The following PAMR1 variants were observed in gnomAD, a reference collection of about 807,000 sequenced individuals.
The protein encoded by PAMR1 is peptidase domain containing associated with muscle regeneration 1, also known as inactive serine protease PAMR1.
Under a neutral mutation model 81.8 loss-of-function variants are expected in PAMR1, and 88 were observed. That is an observed-to-expected ratio of 1.08 (90% CI 0.91 to 1.28). The LOEUF (loss-of-function observed/expected upper bound fraction) is 1.28, where lower values mean the gene tolerates loss of function less well. Ranked by LOEUF, PAMR1 falls within the 50% of genes most tolerant of loss-of-function variation. The pLI is 0.00. For missense variants in PAMR1, 935 were observed against 919.7 expected, an observed-to-expected ratio of 1.02 and a Z score of -0.21; for synonymous variants, 336 against 345.3, an observed-to-expected ratio of 0.97 and a Z score of 0.30.
intron 6 of PAMR1, among the ~76,000 whole-genome samples, chr11:35,459,668 G>T (rs1489995547): frequency 6.6e-6 from 1 of 152,178 alleles, no homozygotes; most frequent in African/African-American, 2.4e-5. Context: ...ATCCCACCCA[G>T]TTCCTGGCAT....
intron 6 of PAMR1, among the ~76,000 whole-genome samples, chr11:35,445,526 T>C (rs920045443): frequency 2.0e-5 from 3 of 152,228 alleles, no homozygotes; most frequent in African/African-American, 7.2e-5. Context: ...TTACCTAGTT[T>C]ATTGAGAGTT....
chr11:35,470,826 T>G lies in PAMR1; in HGVS notation c.495-8A>C, dbSNP rs1356617078. ...AGGCTCAACATGACAAATCTGTGGG[T>G]GGACAGGGTGACGGAGGGAAGCAGA... On this transcript the variant is annotated splice_region_variant and splice_polypyrimidine_tract_variant and intron_variant, in intron 4 of 10. Coordinates refer to ENST00000619888, the MANE Select transcript of PAMR1 (RefSeq NM_001001991.3). The G allele has an allele frequency of 5.9e-5, 95 of 1,607,862 alleles. No homozygotes were observed. The highest frequency in any genetic ancestry group is 7.9e-5 in the Non-Finnish European group (93 of 1,174,646).
rs192507108 is a variant in PAMR1 at position 35,454,568 on chromosome 11, C to T, written c.821-12875G>A. Among the ~76,000 whole-genome samples, 702 of 152,270 alleles carry T rather than the reference C, an allele frequency of 4.6e-3. 5 individuals are homozygous for T. Among genetic ancestry groups the T allele is most frequent in the Non-Finnish European group, 6.1e-3 (417 of 68,010 alleles). The stretch of plus-strand genomic sequence containing the variant: ...TTGATAAATCAGTTGGACCCAAGCA[C>T]GTGACTCAGGGACTGCTTGGGGAAA... On this transcript the variant is annotated intron_variant, in intron 6 of 10. Transcript: ENST00000619888.
At chr11:35,508,674 G>T (rs1421165157) in intron 1 of PAMR1, among the ~76,000 whole-genome samples, 1 of 151,846 alleles carries the variant, frequency 6.6e-6, no homozygotes, top group African/African-American at 2.4e-5. Context: ...ATCTTTTTAT[G>T]CTCATTCTCC....
At chr11:35,516,411 T>A (rs1851164405) in intron 1 of PAMR1, among the ~76,000 whole-genome samples, 2 of 152,192 alleles carry the variant, frequency 1.3e-5, no homozygotes, top group African/African-American at 4.8e-5. Flanking sequence ...CGGTATATAT[T>A]CAGTGGGGGC....
At chr11:35,514,985 A>G (rs918799700) in intron 1 of PAMR1, among the ~76,000 whole-genome samples, 21 of 152,262 alleles carry the variant, frequency 1.4e-4, no homozygotes, top group African/African-American at 4.6e-4. Context: ...AACCTGGGTG[A>G]CAGACCAAGA....
At chr11:35,485,611 T>C (rs1040767506) in intron 3 of PAMR1, among the ~76,000 whole-genome samples, 11 of 152,222 alleles carry the variant, frequency 7.2e-5, no homozygotes, top group African/African-American at 2.4e-4. Context: ...ATCAATTCCA[T>C]AATGAATTTT....
Position 35,431,987 on chromosome 11 carries a change from A to G in PAMR1, c.*369T>C. 4.1e-6 allele frequency: 1 copy of G among 245,074 alleles called. No individual in the cohort carries two copies. Among genetic ancestry groups the G allele is most frequent in the South Asian group, 6.3e-5 (1 of 15,784 alleles). The allele number at this position is 245,074 out of a possible 1,614,324, so 15.2% of individuals were successfully genotyped here. A position where few individuals can be genotyped will look rare whatever the true frequency, so the allele number is the denominator to read the frequency against. ...CACAGGCAGCTCTCTAGAACTTGAGAGCCTCAAAAGGGGCCTCATGAAGCC... is the reference window on the plus strand; with the variant it reads ...CACAGGCAGCTCTCTAGAACTTGAGGGCCTCAAAAGGGGCCTCATGAAGCC... On this transcript the variant is annotated 3_prime_UTR_variant, in exon 11 of 11. Transcript: ENST00000619888.
intron 1 of PAMR1, among the ~76,000 whole-genome samples, chr11:35,523,235 G>A (rs868823236): frequency 2.6e-5 from 4 of 151,800 alleles, no homozygotes; most frequent in African/African-American, 4.8e-5. Context: ...TTCCTTTCTC[G>A]GCTGGCTTTT....
chr11:35,452,487 G>A (rs1856439005), intron 6 of PAMR1, among the ~76,000 whole-genome samples: 1 of 152,124 alleles, frequency 6.6e-6, no homozygotes, highest in South Asian at 2.1e-4. Flanking sequence ...ACTGGTGAAA[G>A]ACATCAACCT....
chr11:35,492,916 T>A (rs1365382949), intron 2 of PAMR1, among the ~76,000 whole-genome samples: 1 of 152,200 alleles, frequency 6.6e-6, no homozygotes, highest in African/African-American at 2.4e-5. Flanking sequence ...AATGGAGAAC[T>A]GAGTTCTGGC....
chr11:35,441,251 T>C (rs1481718965), intron 7 of PAMR1, among the ~76,000 whole-genome samples: 1 of 152,110 alleles, frequency 6.6e-6, no homozygotes, highest in Non-Finnish European at 1.5e-5. Flanking sequence ...ACATTCCTCT[T>C]CTTGATCACC....
At chr11:35,442,802 C>T (rs1220974874) in intron 6 of PAMR1, among the ~76,000 whole-genome samples, 1 of 151,970 alleles carries the variant, frequency 6.6e-6, no homozygotes, top group Admixed American at 6.6e-5. Context: ...GGGGTTTCAC[C>T]ATGTTGCCCA....
chr11:35,452,661 T>C (rs867276906), intron 6 of PAMR1, among the ~76,000 whole-genome samples: 3 of 152,180 alleles, frequency 2.0e-5, no homozygotes, highest in African/African-American at 4.8e-5. Flanking sequence ...AATCAGAAAA[T>C]GTGACTGTAA....
At chr11:35,509,577 A>C (rs890989904) in intron 1 of PAMR1, among the ~76,000 whole-genome samples, 1 of 152,252 alleles carries the variant, frequency 6.6e-6, no homozygotes, top group Non-Finnish European at 1.5e-5. Flanking sequence ...TTTAATCTTA[A>C]AAATGATCTA....
chr11:35,528,381 A>G (rs1851423015), upstream of PAMR1, among the ~76,000 whole-genome samples: 1 of 152,186 alleles, frequency 6.6e-6, no homozygotes, highest in African/African-American at 2.4e-5. Flanking sequence ...ATCTCCCATT[A>G]GGACCCCCAT....
chr11:35,471,384 G>T (rs190211548), intron 4 of PAMR1, among the ~76,000 whole-genome samples: 2 of 152,218 alleles, frequency 1.3e-5, no homozygotes, highest in East Asian at 3.9e-4. Context: ...GCAGTGCCTG[G>T]CCTATGGAGA....
intron 1 of PAMR1, among the ~76,000 whole-genome samples, chr11:35,519,330 C>A (rs1851227828): frequency 6.6e-6 from 1 of 152,092 alleles, no homozygotes; most frequent in Admixed American, 6.5e-5. Context: ...GGGAAAAATG[C>A]TCCCGCTTAT....
intron 10 of PAMR1, 129 bp downstream of exon 10, chr11:35,434,383 G>T: frequency 1.3e-6 from 1 of 796,176 alleles, no homozygotes; most frequent in Non-Finnish European, 2.0e-6. Flanking sequence ...AATGAACGCT[G>T]CTATATGCGA....
Sources: allele counts gnomAD v4.1 joint callset (sites outside exome capture counted in the v4.1 genomes callset), GRCh38; gene constraint gnomAD v4.1.1; transcripts MANE v1.5; gene names NCBI Gene and HGNC (gene_info 2026-07-23, HGNC 2026-07-21).